Variants in SPINT2 observed in about 807,000 individuals in gnomAD.
The protein encoded by SPINT2 is kunitz-type protease inhibitor 2.
In SPINT2, 18 loss-of-function variants were observed where a neutral mutation model predicts 30.1. The ratio of observed to expected loss-of-function variants is 0.60; its 90% CI spans 0.41 to 0.89. The LOEUF (loss-of-function observed/expected upper bound fraction) is 0.89, where lower values mean the gene tolerates loss of function less well. SPINT2 is among the 40% of genes least tolerant of loss of function. The pLI is 0.00. For synonymous variants in SPINT2, 139 were observed against 137.9 expected, an observed-to-expected ratio of 1.01 and a Z score of -0.05; for missense variants, 276 against 334.3, an observed-to-expected ratio of 0.83 and a Z score of 1.36.
chr19:38,279,272 G>A (rs1968553393), intron 1 of SPINT2, among the ~76,000 whole-genome samples: 1 of 151,872 alleles, frequency 6.6e-6, no homozygotes, highest in Non-Finnish European at 1.5e-5. Flanking sequence ...CCCGAGGCAG[G>A]TGGATCACCT....
intron 2 of SPINT2, among the ~76,000 whole-genome samples, chr19:38,284,671 A>G (rs1221966333): frequency 1.3e-5 from 2 of 152,206 alleles, no homozygotes; most frequent in Non-Finnish European, 2.9e-5. Context: ...CCAAAGAGGA[A>G]GTAGCCTTGC....
chr19:38,268,043 A>G (rs748103027), intron 1 of SPINT2, among the ~76,000 whole-genome samples: 2 of 152,124 alleles, frequency 1.3e-5, no homozygotes, highest in Non-Finnish European at 2.9e-5. Context: ...AGATTTGCTC[A>G]AGACCAGTCC....
chr19:38,288,062 C>T (rs1968664084), intron 3 of SPINT2, 127 bp downstream of exon 3: 17 of 1,134,654 alleles, frequency 1.5e-5, no homozygotes, highest in Non-Finnish European at 2.2e-5. Flanking sequence ...ATTGGCAAAC[C>T]GGGGGCTCTG....
chr19:38,265,103 T>G, intron 1 of SPINT2, 105 bp downstream of exon 1: 73 of 747,506 alleles, frequency 9.8e-5, no homozygotes, highest in Non-Finnish European at 1.3e-4. Flanking sequence ...AACTGGGGGC[T>G]ACTTGATGGC....
chr19:38,264,781 G>C lies in SPINT2; in HGVS notation c.-112G>C. 2 of 1,171,038 alleles carry C rather than the reference G, an allele frequency of 1.7e-6. No individual in the cohort carries two copies. The highest frequency in any genetic ancestry group is 2.4e-6 in the Non-Finnish European group (2 of 828,706). The allele number at this position is 1,171,038 out of a possible 1,614,324, so 72.5% of individuals were successfully genotyped here. A position where few individuals can be genotyped will look rare whatever the true frequency, so the allele number is the denominator to read the frequency against. ...CCTGGCGGACCCTCCCGGAGCGTCGGCACCTGAACGCGAGGCGCTCCATTG... is the reference window on the plus strand; with the variant it reads ...CCTGGCGGACCCTCCCGGAGCGTCGCCACCTGAACGCGAGGCGCTCCATTG... On this transcript the variant is annotated 5_prime_UTR_variant, in exon 1 of 7. Transcript: ENST00000301244.
intron 2 of SPINT2, among the ~76,000 whole-genome samples, chr19:38,284,087 T>C (rs1056006356): frequency 2.6e-5 from 4 of 152,078 alleles, no homozygotes; most frequent in Admixed American, 1.3e-4. Flanking sequence ...GTGATCTGCC[T>C]GCCTCAGCCT....
chr19:38,266,485 A>T (rs1248978574), intron 1 of SPINT2, among the ~76,000 whole-genome samples: 1 of 152,030 alleles, frequency 6.6e-6, no homozygotes, highest in Non-Finnish European at 1.5e-5. Flanking sequence ...ACACCACCCT[A>T]GGCAACATGA....
intron 2 of SPINT2, among the ~76,000 whole-genome samples, chr19:38,286,860 G>C (rs541652450): frequency 6.6e-6 from 1 of 152,284 alleles, no homozygotes; most frequent in East Asian, 1.9e-4. Flanking sequence ...AAAGAGATTA[G>C]GTCTTTTTAT....
rs1968556883 is a variant in SPINT2, at chr19:38,279,515, A to G, written c.107-4112A>G. On this transcript the variant is annotated intron_variant, in intron 1 of 6. Coordinates refer to ENST00000301244, the MANE Select transcript of SPINT2 (RefSeq NM_021102.4). Reference sequence around the variant, plus strand: ...TCCATCTTAAAAAAAAATTATTATAATAATTTTCAAGTATATACAAAGCAG... The same window carrying G: ...TCCATCTTAAAAAAAAATTATTATAGTAATTTTCAAGTATATACAAAGCAG... Among the ~76,000 whole-genome samples, 3 of 151,618 alleles carry G rather than the reference A, an allele frequency of 2.0e-5. No homozygotes were observed. In the South Asian group the frequency reaches 6.3e-4, roughly 32 times the overall value.
intron 1 of SPINT2, among the ~76,000 whole-genome samples, chr19:38,276,279 G>A (rs1968516964): frequency 6.6e-6 from 1 of 152,174 alleles, no homozygotes; most frequent in African/African-American, 2.4e-5. Flanking sequence ...TTGTGCCTCA[G>A]CTCATAGCAC....
intron 6 of SPINT2, chr19:38,291,059 T>C: frequency 4.5e-6 from 1 of 222,872 alleles, no homozygotes; most frequent in Non-Finnish European, 9.1e-6. Flanking sequence ...CATGCCAGTC[T>C]GGCCTCTTTC....
intron 6 of SPINT2, chr19:38,291,528 C>G (rs1209164127): frequency 2.8e-6 from 1 of 362,538 alleles, no homozygotes; most frequent in Non-Finnish European, 5.2e-6. Context: ...GCCTGGGGCT[C>G]CTGTGCAGGT....
intron 2 of SPINT2, 123 bp from the exon 3 acceptor site, chr19:38,287,753 T>C (rs1429056480): frequency 2.8e-5 from 29 of 1,042,782 alleles, no homozygotes; most frequent in Non-Finnish European, 4.1e-5. Flanking sequence ...GCATGCACAT[T>C]GAAGGTCCCA....
At position 38,281,418 on chromosome 19, in the gene SPINT2, C is replaced by T. The variant is rs1390923075; in HGVS notation, c.107-2209C>T. On this transcript the variant is annotated intron_variant, in intron 1 of 6. Transcript: ENST00000301244. Reference sequence around the variant, plus strand: ...ACAGAGGAAGACCCTATCTCAAAAACAATTATATAGGCCGGGCGCGGTGGC... The same window carrying T: ...ACAGAGGAAGACCCTATCTCAAAAATAATTATATAGGCCGGGCGCGGTGGC... Among the ~76,000 whole-genome samples the T allele has an allele frequency of 7.9e-5, 12 of 151,912 alleles. No individual in the cohort carries two copies. In the East Asian group the frequency reaches 2.3e-3, roughly 29 times the overall value.
intron 1 of SPINT2, among the ~76,000 whole-genome samples, chr19:38,268,892 G>A (rs1968414348): frequency 6.6e-6 from 1 of 151,926 alleles, no homozygotes; most frequent in South Asian, 2.1e-4. Flanking sequence ...CTGGTATTTG[G>A]AGGGTCCTGA....
intron 1 of SPINT2, among the ~76,000 whole-genome samples, chr19:38,280,357 G>T (rs1419473472): frequency 6.6e-6 from 1 of 152,188 alleles, no homozygotes; most frequent in Non-Finnish European, 1.5e-5. Flanking sequence ...CTGACTTCAA[G>T]CATCGTGTTC....
intron 4 of SPINT2, chr19:38,289,570 A>T (rs1318580926): frequency 8.9e-6 from 2 of 225,592 alleles, no homozygotes; most frequent in Non-Finnish European, 1.8e-5. Context: ...GTATTGAGAG[A>T]CACTTGCGGA....
At chr19:38,283,368 T>C (rs963944954) in intron 1 of SPINT2, among the ~76,000 whole-genome samples, 1 of 152,152 alleles carries the variant, frequency 6.6e-6, no homozygotes, top group Non-Finnish European at 1.5e-5. Flanking sequence ...TCTTCAATAA[T>C]GGGGACAGGG....
rs924108835 is a variant in SPINT2 at position 38,287,856 on chromosome 19, G to A, written c.278-20G>A. On this transcript the variant is annotated intron_variant, in intron 2 of 6. Coordinates refer to ENST00000301244, the MANE Select transcript of SPINT2 (RefSeq NM_021102.4). ...CTCTCGAAAGCTCTTTCACTGTGCT[G>A]TTTCTTTGTCCCCTTGCAGAGAATG... 8 of 1,614,122 alleles carry A rather than the reference G, an allele frequency of 5.0e-6. No individual in the cohort carries two copies. Among genetic ancestry groups the A allele is most frequent in the South Asian group, 1.1e-5 (1 of 91,082 alleles).
Sources: allele counts gnomAD v4.1 joint callset (sites outside exome capture counted in the v4.1 genomes callset), GRCh38; gene constraint gnomAD v4.1.1; transcripts MANE v1.5; gene names NCBI Gene and HGNC (gene_info 2026-07-23, HGNC 2026-07-21).